WASF3: variants seen among roughly 807,000 people sequenced by gnomAD.
WASF3 encodes WASP family member 3, also known as actin-binding protein WASF3.
WASF3 carries 11 observed loss-of-function variants against 46.6 expected under a neutral mutation model. The ratio of observed to expected loss-of-function variants is 0.24; its 90% CI spans 0.15 to 0.39. The LOEUF is 0.39. Among genes scored for constraint, WASF3 ranks in the 10% least tolerant of loss-of-function variants. The pLI is 1.00. For synonymous variants in WASF3, 242 were observed against 259.7 expected (o/e 0.93, Z 0.65); for missense variants, 576 against 669.8 (o/e 0.86, Z 1.55).
intron 1 of WASF3, among the ~76,000 whole-genome samples, chr13:26,603,912 A>C (rs1362968618): frequency 6.6e-6 from 1 of 152,210 alleles, no homozygotes; most frequent in East Asian, 1.9e-4. Flanking sequence ...CAGGCCTCTG[A>C]AGGTAAATCC....
upstream of WASF3, among the ~76,000 whole-genome samples, chr13:26,557,143 A>G (rs563403170): frequency 3.3e-5 from 5 of 152,268 alleles, no homozygotes; most frequent in African/African-American, 1.2e-4. Context: ...TAGGGTGATA[A>G]AAACAGAAGA....
At chr13:26,674,529 T>C (rs1883007737) in intron 6 of WASF3, among the ~76,000 whole-genome samples, 1 of 152,242 alleles carries the variant, frequency 6.6e-6, no homozygotes, top group Admixed American at 6.5e-5. Flanking sequence ...TTTTAAGACC[T>C]TTTAGCATTC....
chr13:26,577,303 G>T, intron 1 of WASF3: 2 of 748,240 alleles, frequency 2.7e-6, no homozygotes, highest in Non-Finnish European at 4.9e-6. Context: ...TTCTGTGTTG[G>T]TTTTCCTAAA....
intron 1 of WASF3, among the ~76,000 whole-genome samples, chr13:26,567,895 G>T (rs1879519228): frequency 2.0e-5 from 3 of 152,012 alleles, no homozygotes; most frequent in Admixed American, 1.3e-4. Flanking sequence ...TTGATAAGGT[G>T]GTCAGGGAAG....
Position 26,665,182 on chromosome 13 carries a change from C to A in WASF3, c.268+20C>A. On this transcript the variant is annotated intron_variant, in intron 4 of 9. Coordinates refer to ENST00000335327, the MANE Select transcript of WASF3 (RefSeq NM_006646.6). ...AAGAGGGTAGGTAATTGCCTGAAAG[C>A]AGTGAGCTAGAAGTGATGTTGACAA... The A allele has an allele frequency of 6.2e-7, 1 of 1,612,258 alleles. No homozygotes were observed.
chr13:26,597,484 C>CTT (rs752075676), intron 1 of WASF3, among the ~76,000 whole-genome samples: 7 of 149,116 alleles, frequency 4.7e-5, no homozygotes, highest in African/African-American at 1.2e-4. Flanking sequence ...ACGTTTTAGT[C>CTT]TTTTTTTTTT....
chr13:26,576,925 A>G (rs1879815040), intron 1 of WASF3: 1 of 775,670 alleles, frequency 1.3e-6, no homozygotes, highest in East Asian at 2.6e-5. Flanking sequence ...GAAAGGAGGC[A>G]AAAAGGGAGC....
At chr13:26,685,376 A>G (rs1038945906) in intron 9 of WASF3, among the ~76,000 whole-genome samples, 23 of 152,190 alleles carry the variant, frequency 1.5e-4, no homozygotes, top group African/African-American at 5.3e-4. Flanking sequence ...TTTTAAGGCT[A>G]TATGTGCCTA....
chr13:26,555,214 G>A (rs1439763623), upstream of WASF3, among the ~76,000 whole-genome samples: 2 of 152,144 alleles, frequency 1.3e-5, no homozygotes, highest in African/African-American at 4.8e-5. Context: ...TTAGGGAGGT[G>A]TCTGTTTAGA....
intron 1 of WASF3, among the ~76,000 whole-genome samples, chr13:26,578,882 T>C (rs1265306021): frequency 1.3e-5 from 2 of 152,092 alleles, no homozygotes; most frequent in Non-Finnish European, 2.9e-5. Context: ...TATTGGATTT[T>C]GGGAAATGCT....
At chr13:26,621,643 T>G (rs1235167440) in intron 2 of WASF3, among the ~76,000 whole-genome samples, 1 of 152,208 alleles carries the variant, frequency 6.6e-6, no homozygotes, top group Non-Finnish European at 1.5e-5. Flanking sequence ...GAGCAAAGTG[T>G]GAACATTTGT....
At chr13:26,543,908 G>A in the WASF3 span, among the ~76,000 whole-genome samples, 4 of 152,112 alleles carry the variant, frequency 2.6e-5, no homozygotes, top group Non-Finnish European at 4.4e-5. Context: ...TACAAGAACC[G>A]ATTTCTAAGA....
intron 5 of WASF3, 57 bp downstream of exon 5, chr13:26,667,727 G>A: frequency 6.5e-7 from 1 of 1,540,164 alleles, no homozygotes; most frequent in Non-Finnish European, 8.8e-7. Flanking sequence ...GCTGGGCAGA[G>A]CTGGGAGCAA....
At chr13:26,590,859 A>G (rs1880270401) in intron 1 of WASF3, among the ~76,000 whole-genome samples, 1 of 152,234 alleles carries the variant, frequency 6.6e-6, no homozygotes. Flanking sequence ...AAAGGAGACA[A>G]ATTAATAAAT....
At chr13:26,617,745 C>G (rs1881178060) in intron 2 of WASF3, among the ~76,000 whole-genome samples, 1 of 152,130 alleles carries the variant, frequency 6.6e-6, no homozygotes, top group African/African-American at 2.4e-5. Context: ...GGCTGTGTTC[C>G]CACCCAAAAT....
At chr13:26,545,510 C>T in the WASF3 span, among the ~76,000 whole-genome samples, 1 of 151,848 alleles carries the variant, frequency 6.6e-6, no homozygotes, top group South Asian at 2.1e-4. Context: ...TTTATCCTTT[C>T]TACTTTTATG....
intron 6 of WASF3, among the ~76,000 whole-genome samples, chr13:26,672,401 C>T (rs1292563828): frequency 6.6e-6 from 1 of 152,126 alleles, no homozygotes; most frequent in Non-Finnish European, 1.5e-5. Flanking sequence ...GGAAGATGTT[C>T]ACATGGGATT....
chr13:26,635,622 G>A (rs936813021), intron 2 of WASF3, among the ~76,000 whole-genome samples: 1 of 152,110 alleles, frequency 6.6e-6, no homozygotes, highest in East Asian at 1.9e-4. Flanking sequence ...CCATCTTTGT[G>A]GTTTTATCTA....
intron 1 of WASF3, among the ~76,000 whole-genome samples, chr13:26,564,722 A>T (rs1017028280): frequency 6.6e-6 from 1 of 152,210 alleles, no homozygotes; most frequent in Non-Finnish European, 1.5e-5. Context: ...GGCACGTAGT[A>T]GATACTCAAC....
Sources: allele counts gnomAD v4.1 joint callset (sites outside exome capture counted in the v4.1 genomes callset), GRCh38; gene constraint gnomAD v4.1.1; transcripts MANE v1.5; gene names NCBI Gene and HGNC (gene_info 2026-07-23, HGNC 2026-07-21).